UGGT2: variants seen among roughly 807,000 people sequenced by gnomAD.
The protein encoded by UGGT2 is UDP-glucose:glycoprotein glucosyltransferase 2.
UGGT2 carries 180 observed loss-of-function variants against 192.1 expected under a neutral mutation model. The observed-to-expected ratio is 0.94, with a 90% CI of 0.83 to 1.06. UGGT2 has a LOEUF of 1.06. Among genes scored for constraint, UGGT2 ranks in the 50% least tolerant of loss-of-function variants. The probability of loss-of-function intolerance (pLI) is 0.00; values close to 1 mark genes in which losing one functional copy is unlikely to be tolerated. For synonymous variants in UGGT2, 580 were observed against 591.0 expected (o/e 0.98, Z 0.27); for missense variants, 1,849 against 1,795.7 (o/e 1.03, Z -0.54).
rs186587370 is a variant in UGGT2 at position 95,840,448 on chromosome 13, A to G, written c.4285-3246T>C. On this transcript the variant is annotated intron_variant, in intron 36 of 38. Transcript: ENST00000376747. Reference sequence around the variant, plus strand: ...CCAACAAACATACGAAATAAAGTTCATCATCACTGATTATTAGAGAAATGC... The same window carrying G: ...CCAACAAACATACGAAATAAAGTTCGTCATCACTGATTATTAGAGAAATGC... Among the ~76,000 whole-genome samples, 6 of 152,374 alleles carry G rather than the reference A, an allele frequency of 3.9e-5. No homozygotes were observed. In the East Asian group the frequency reaches 5.8e-4, roughly 15 times the overall value.
intron 2 of UGGT2, 30 bp from the exon 3 acceptor site, chr13:96,023,789 G>A (rs780002141): frequency 4.5e-6 from 7 of 1,553,800 alleles, no homozygotes; most frequent in Non-Finnish European, 6.1e-6. Flanking sequence ...GAAAATAAAT[G>A]TTAGCATTTT....
At chr13:95,995,163 C>T (rs2051579133) in intron 7 of UGGT2, among the ~76,000 whole-genome samples, 1 of 151,750 alleles carries the variant, frequency 6.6e-6, no homozygotes, top group Admixed American at 6.6e-5. Flanking sequence ...TTATAAAGAG[C>T]TGTTATAATT....
chr13:96,048,458 G>A (rs769572712), intron 1 of UGGT2, among the ~76,000 whole-genome samples: 4 of 152,136 alleles, frequency 2.6e-5, no homozygotes, highest in Non-Finnish European at 5.9e-5. Flanking sequence ...TCAAAAGCTA[G>A]CAGAAGGCAA....
chr13:95,995,342 C>T (rs577146193), intron 7 of UGGT2: 1 of 151,976 alleles, frequency 6.6e-6, no homozygotes, highest in African/African-American at 2.4e-5. Context: ...TGGTTCAATC[C>T]AGTGAATTAA....
intron 33 of UGGT2, among the ~76,000 whole-genome samples, chr13:95,857,998 T>TG (rs1206006452): frequency 8.5e-6 from 1 of 117,806 alleles, no homozygotes; most frequent in Admixed American, 8.2e-5. Flanking sequence ...GTTCTTTTTC[T>TG]GTTTTTTTTT....
intron 10 of UGGT2, among the ~76,000 whole-genome samples, chr13:95,978,729 C>A (rs1320389920): frequency 2.0e-5 from 3 of 152,162 alleles, no homozygotes; most frequent in African/African-American, 7.2e-5. Flanking sequence ...GGTCTAGTTT[C>A]ATTCTTTACG....
At chr13:96,026,937 C>T (rs1044768419) in intron 2 of UGGT2, among the ~76,000 whole-genome samples, 2 of 152,090 alleles carry the variant, frequency 1.3e-5, no homozygotes, top group Admixed American at 1.3e-4. Context: ...TCCCAAAGTG[C>T]TGGGATTACA....
At chr13:95,951,634 G>A (rs912523404) in intron 12 of UGGT2, among the ~76,000 whole-genome samples, 3 of 152,204 alleles carry the variant, frequency 2.0e-5, no homozygotes, top group African/African-American at 7.2e-5. Flanking sequence ...CTTGTGGTCT[G>A]AAGACTGTTA....
intron 29 of UGGT2, among the ~76,000 whole-genome samples, chr13:95,872,683 T>G (rs934919793): frequency 2.1e-4 from 32 of 152,324 alleles, no homozygotes; most frequent in Admixed American, 1.3e-3. Flanking sequence ...TTATTTCTAC[T>G]GCCAAAAGTT....
chr13:95,874,984 C>A (rs562184990), intron 29 of UGGT2, among the ~76,000 whole-genome samples: 57 of 152,304 alleles, frequency 3.7e-4, no homozygotes, highest in African/African-American at 1.3e-3. Flanking sequence ...AACTACCATG[C>A]CTAGCCTAAG....
intron 8 of UGGT2, among the ~76,000 whole-genome samples, chr13:95,987,373 TACAC>T (rs1379999154): frequency 6.6e-6 from 1 of 152,170 alleles, no homozygotes; most frequent in African/African-American, 2.4e-5. Flanking sequence ...AAATACATCT[TACAC>T]AGACATTAGG....
intron 4 of UGGT2, among the ~76,000 whole-genome samples, chr13:96,020,863 C>G (rs1211449226): frequency 6.6e-6 from 1 of 152,146 alleles, no homozygotes. Flanking sequence ...AATAAGTTAG[C>G]CTTTTATTCT....
intron 29 of UGGT2, among the ~76,000 whole-genome samples, chr13:95,874,668 C>A (rs145749698): frequency 7.0e-4 from 107 of 152,140 alleles, no homozygotes; most frequent in African/African-American, 2.5e-3. Context: ...CTTTTCTCCC[C>A]TTCCTCCCCA....
At chr13:95,910,353 G>A (rs1566679129) in intron 20 of UGGT2, among the ~76,000 whole-genome samples, 1 of 152,134 alleles carries the variant, frequency 6.6e-6, no homozygotes, top group Non-Finnish European at 1.5e-5. Context: ...CCCATCTCAT[G>A]TGCAGAGACA....
rs1374209203 is a variant in UGGT2, at chr13:95,900,939, C to G, written c.2503-1G>C. On this transcript the variant is annotated splice_acceptor_variant, in intron 21 of 38. Coordinates refer to ENST00000376747, the MANE Select transcript of UGGT2 (RefSeq NM_020121.4). LOFTEE classifies it high-confidence loss of function. Reference sequence around the variant, plus strand: ...TCTCAAAAGCATTCTTATCCATCCCCTAAAGCAAAAGTTAAGACTGATGAA... The same window carrying G: ...TCTCAAAAGCATTCTTATCCATCCCGTAAAGCAAAAGTTAAGACTGATGAA... 1 of 1,579,910 alleles carries G rather than the reference C, an allele frequency of 6.3e-7. No homozygotes were observed. The highest frequency in any genetic ancestry group is 8.6e-7 in the Non-Finnish European group (1 of 1,167,328).
intron 17 of UGGT2, among the ~76,000 whole-genome samples, chr13:95,931,802 T>A (rs541764166): frequency 6.6e-6 from 1 of 152,128 alleles, no homozygotes; most frequent in South Asian, 2.1e-4. Context: ...GAGCCCTGGT[T>A]CCCGCCCGCG....
chr13:95,895,870 C>T (rs1312157565), intron 22 of UGGT2, among the ~76,000 whole-genome samples: 1 of 152,016 alleles, frequency 6.6e-6, no homozygotes, highest in Non-Finnish European at 1.5e-5. Context: ...CTTCTTTTAA[C>T]TGATACTGTA....
intron 22 of UGGT2, 62 bp from the exon 23 acceptor site, chr13:95,895,366 A>G (rs1350779534): frequency 6.8e-6 from 7 of 1,029,630 alleles, no homozygotes; most frequent in Non-Finnish European, 9.3e-6. Context: ...TAGGAAAAAC[A>G]TTTCCTCATC....
chr13:95,836,041 C>T (rs1566566091), intron 37 of UGGT2, among the ~76,000 whole-genome samples: 1 of 151,352 alleles, frequency 6.6e-6, no homozygotes, highest in East Asian at 1.9e-4. Context: ...GCTCTCAGCC[C>T]TTTTTTTTTG....
Sources: gnomAD v4.1 joint callset for allele counts (sites outside exome capture counted in the v4.1 genomes callset) on GRCh38, gnomAD v4.1.1 for gene constraint, MANE v1.5 for transcripts, NCBI Gene and HGNC (gene_info 2026-07-23, HGNC 2026-07-21) for gene names.